The following CALN1 variants were observed in gnomAD, a reference collection of about 807,000 sequenced individuals.
CALN1 encodes calneuron 1.
In CALN1, 17 loss-of-function variants were observed where a neutral mutation model predicts 30.6. The ratio of observed to expected loss-of-function variants is 0.56; its 90% CI spans 0.38 to 0.83. The LOEUF (loss-of-function observed/expected upper bound fraction) is 0.83, where lower values mean the gene tolerates loss of function less well. Ranked by LOEUF, CALN1 falls within the 40% of genes least tolerant of loss-of-function variation. The pLI is 0.00. For synonymous variants in CALN1, 156 were observed against 131.4 expected, an observed-to-expected ratio of 1.19 and a Z score of -1.28; for missense variants, 291 against 354.9, an observed-to-expected ratio of 0.82 and a Z score of 1.45.
chr7:72,323,836 G>T (rs1465241084), intron 2 of CALN1, among the ~76,000 whole-genome samples: 2 of 152,036 alleles, frequency 1.3e-5, no homozygotes, highest in Non-Finnish European at 2.9e-5. Flanking sequence ...TTGAGTCCAA[G>T]ATTTTGAGAC....
intron 3 of CALN1, among the ~76,000 whole-genome samples, chr7:72,152,181 C>G (rs1008633521): frequency 3.9e-5 from 6 of 152,092 alleles, no homozygotes; most frequent in African/African-American, 1.4e-4. Flanking sequence ...GCTGGGATTA[C>G]AGGTGTGAGC....
Position 71,779,548 on chromosome 7 carries a change from CTT to C in CALN1, c.*8225_*8226del, listed in dbSNP as rs890523237. 2 of 152,024 alleles carry C rather than the reference CTT, an allele frequency of 1.3e-5. No individual in the cohort carries two copies. The highest frequency in any genetic ancestry group is 4.8e-5 in the African/African-American group (2 of 41,374). 9.4% of individuals were successfully genotyped at this position (152,024 alleles called of 1,614,324 possible). A position where few individuals can be genotyped will look rare whatever the true frequency, so the allele number is the denominator to read the frequency against. On this transcript the variant is annotated 3_prime_UTR_variant, in exon 7 of 7. Coordinates refer to ENST00000395275, the MANE Select transcript of CALN1 (RefSeq NM_031468.4). ...TGCATAAATAATGGTAAATTAGACTCTTTTTATACAGATTATATATTTACAGA... is the reference window on the plus strand; with the variant it reads ...TGCATAAATAATGGTAAATTAGACTCTTTATACAGATTATATATTTACAGA...
chr7:72,394,484 A>C (rs540234849), intron 2 of CALN1, among the ~76,000 whole-genome samples: 2 of 152,326 alleles, frequency 1.3e-5, no homozygotes, highest in Admixed American at 6.5e-5. Flanking sequence ...AACAGACATC[A>C]TTACGGGACT....
intron 4 of CALN1, among the ~76,000 whole-genome samples, chr7:72,046,169 T>G (rs1031366363): frequency 3.3e-5 from 5 of 151,806 alleles, no homozygotes; most frequent in Non-Finnish European, 2.9e-5. Flanking sequence ...AAAAATAAGC[T>G]GGGCATGGGG....
chr7:72,200,358 T>C lies in CALN1; in HGVS notation c.244+78328A>G, dbSNP rs561568477. Among the ~76,000 whole-genome samples, 40 of 152,308 alleles carry C rather than the reference T, an allele frequency of 2.6e-4. 1 individual carries two copies. In the South Asian group the frequency reaches 7.9e-3, roughly 30 times the overall value. ...CCTCTCTGTGAACTAGAAATGTTAA[T>C]AGTGCCTACCTCATATTTTAAAACA... is the stretch of plus-strand genomic sequence containing the variant. On this transcript the variant is annotated intron_variant, in intron 3 of 6. Coordinates refer to ENST00000395275, the MANE Select transcript of CALN1 (RefSeq NM_031468.4).
chr7:71,900,580 G>A (rs1265636382), intron 5 of CALN1, among the ~76,000 whole-genome samples: 1 of 152,118 alleles, frequency 6.6e-6, no homozygotes, highest in Non-Finnish European at 1.5e-5. Context: ...GAAGGAATGG[G>A]GCACAATTAC....
chr7:72,276,809 GTTCTT>G (rs1235355279), intron 3 of CALN1, among the ~76,000 whole-genome samples: 1 of 151,978 alleles, frequency 6.6e-6, no homozygotes, highest in Non-Finnish European at 1.5e-5. Context: ...GCCAAATATA[GTTCTT>G]TTCTATATCA....
At chr7:72,033,929 G>A (rs1055936551) in intron 4 of CALN1, among the ~76,000 whole-genome samples, 2 of 152,082 alleles carry the variant, frequency 1.3e-5, no homozygotes, top group Non-Finnish European at 2.9e-5. Flanking sequence ...GATGGGGATT[G>A]GAGAAGTCTG....
rs200138527 is a variant in CALN1, at chr7:71,779,512, ATTTT to A, written c.*8259_*8262del. On this transcript the variant is annotated 3_prime_UTR_variant, in exon 7 of 7. Transcript: ENST00000395275. ...CTTGTCAAAAGAAAAAAAAACTTTTATTTTTTCTATTGCATAAATAATGGTAAAT... is the reference window on the plus strand; with the variant it reads ...CTTGTCAAAAGAAAAAAAAACTTTTATTCTATTGCATAAATAATGGTAAAT... 1 of 152,066 alleles carries A rather than the reference ATTTT, an allele frequency of 6.6e-6. No homozygotes were observed. The highest frequency in any genetic ancestry group is 1.5e-5 in the Non-Finnish European group (1 of 68,002). The allele number at this position is 152,066 out of a possible 1,614,324, so 9.4% of individuals were successfully genotyped here.
intron 3 of CALN1, among the ~76,000 whole-genome samples, chr7:72,271,575 A>AAATATATATATATATATAT: frequency 1.2e-4 from 6 of 52,124 alleles, no homozygotes; most frequent in Admixed American, 5.9e-4. Flanking sequence ...AAAAAAAAAA[A>AAATATATATATATATATAT]ATATATATAT....
At chr7:72,163,006 G>T (rs1398072063) in intron 3 of CALN1, among the ~76,000 whole-genome samples, 1 of 152,314 alleles carries the variant, frequency 6.6e-6, no homozygotes, top group East Asian at 1.9e-4. Flanking sequence ...AGGAGCACAA[G>T]GGGACAGAAT....
chr7:71,898,860 T>C (rs894430091), intron 5 of CALN1, among the ~76,000 whole-genome samples: 1 of 152,146 alleles, frequency 6.6e-6, no homozygotes, highest in Non-Finnish European at 1.5e-5. Context: ...ACTGGAATAA[T>C]ATAATCTCAT....
intron 3 of CALN1, among the ~76,000 whole-genome samples, chr7:72,240,192 C>CT (rs57111533): frequency 0.2 from 27,506 of 140,608 alleles, 3,504 homozygotes; most frequent in East Asian, 0.43. Flanking sequence ...GGGGAAATTT[C>CT]TTTTTTTTTT....
chr7:72,347,568 G>C (rs1338251708), intron 2 of CALN1, among the ~76,000 whole-genome samples: 2 of 151,950 alleles, frequency 1.3e-5, no homozygotes, highest in African/African-American at 4.8e-5. Context: ...GCCCGGCCAA[G>C]ACAAAATAAT....
chr7:72,185,456 A>AAC (rs1790118989), intron 3 of CALN1, among the ~76,000 whole-genome samples: 1 of 152,232 alleles, frequency 6.6e-6, no homozygotes, highest in African/African-American at 2.4e-5. Context: ...GAAGGCACAG[A>AAC]ACTTCCCTTT....
chr7:72,369,738 T>C (rs186476616), intron 2 of CALN1, among the ~76,000 whole-genome samples: 1 of 152,322 alleles, frequency 6.6e-6, no homozygotes, highest in Non-Finnish European at 1.5e-5. Context: ...AACTGTCCTA[T>C]ATGTACTTTT....
chr7:72,492,115 C>T, the CALN1 span, among the ~76,000 whole-genome samples: 2 of 152,192 alleles, frequency 1.3e-5, no homozygotes, highest in African/African-American at 2.4e-5. Context: ...ATTACAACTA[C>T]TGCAAACAAC....
chr7:72,351,853 A>C (rs1487936980), intron 2 of CALN1, among the ~76,000 whole-genome samples: 2 of 152,256 alleles, frequency 1.3e-5, no homozygotes, highest in Non-Finnish European at 2.9e-5. Flanking sequence ...TAATTTAAAG[A>C]GTGTGAACCA....
intron 3 of CALN1, among the ~76,000 whole-genome samples, chr7:72,108,175 C>T (rs193081818): frequency 4.7e-4 from 71 of 152,342 alleles, no homozygotes; most frequent in Middle Eastern, 6.8e-3. Context: ...TGGCTTGCAG[C>T]CCCATCACTC....
Sources: allele counts gnomAD v4.1 joint callset (sites outside exome capture counted in the v4.1 genomes callset), GRCh38; gene constraint gnomAD v4.1.1; transcripts MANE v1.5; gene names NCBI Gene and HGNC (gene_info 2026-07-23, HGNC 2026-07-21).